GRIA4: variants seen among roughly 807,000 people sequenced by gnomAD.
GRIA4 encodes glutamate ionotropic receptor AMPA type subunit 4.
A neutral mutation model predicts 104.0 loss-of-function variants in GRIA4; 34 were observed. The ratio of observed to expected loss-of-function variants is 0.33; its 90% CI spans 0.25 to 0.44. GRIA4 has a LOEUF of 0.44. Ranked by LOEUF, GRIA4 falls within the 20% of genes least tolerant of loss-of-function variation. The pLI is 1.00. For missense variants in GRIA4, 750 were observed against 1,096.5 expected (o/e 0.68, Z 4.46); for synonymous variants, 386 against 381.9 (o/e 1.01, Z -0.13).
At chr11:105,669,489 G>C (rs538018781) in intron 3 of GRIA4, among the ~76,000 whole-genome samples, 1 of 152,112 alleles carries the variant, frequency 6.6e-6, no homozygotes, top group Non-Finnish European at 1.5e-5. Context: ...TAATCTTCCT[G>C]ATTTGGAGTA....
At chr11:105,855,654 A>G (rs1324690023) in intron 4 of GRIA4, among the ~76,000 whole-genome samples, 1 of 152,188 alleles carries the variant, frequency 6.6e-6, no homozygotes, top group Non-Finnish European at 1.5e-5. Context: ...TAAAATAGAA[A>G]CACATTGCCT....
chr11:105,634,166 G>A (rs1453685852), intron 3 of GRIA4, among the ~76,000 whole-genome samples: 1 of 152,056 alleles, frequency 6.6e-6, no homozygotes, highest in Middle Eastern at 3.4e-3. Context: ...GGGCAACATG[G>A]TGAAACCCCG....
chr11:105,974,333 G>A lies in GRIA4; in HGVS notation c.2433G>A (p.Leu811=), dbSNP rs948422331. ...AGGACAAGACGAGTGCCTTGAGCCTGAGCAATGTAGCAGGCGTCTTCTACA... is the reference window on the plus strand; with the variant it reads ...AGGACAAGACGAGTGCCTTGAGCCTAAGCAATGTAGCAGGCGTCTTCTACA... ...GSKDKTSALS[L]SNVAGVFYIL... Residue 811 remains leucine, a synonymous_variant, in exon 16 of 17, where the codon CTG becomes CTA. Coordinates refer to ENST00000282499, the MANE Select transcript of GRIA4 (RefSeq NM_000829.4). 1.9e-6 allele frequency: 3 copies of A among 1,613,760 alleles called. No individual in the cohort carries two copies. The highest frequency in any genetic ancestry group is 1.3e-5 in the African/African-American group (1 of 74,918).
intron 3 of GRIA4, among the ~76,000 whole-genome samples, chr11:105,664,540 T>C (rs1952109310): frequency 6.6e-6 from 1 of 151,978 alleles, no homozygotes; most frequent in Non-Finnish European, 1.5e-5. Context: ...AATGGTACTT[T>C]GTAGCTTTGA....
Position 105,752,969 on chromosome 11 carries a change from C to A in GRIA4, c.248-12C>A, listed in dbSNP as rs146635310. 1.9e-6 allele frequency: 3 copies of A among 1,608,458 alleles called. No individual in the cohort carries two copies. The highest frequency in any genetic ancestry group is 1.1e-5 in the South Asian group (1 of 90,956). ...GCTAATAGTTTGTGGTGTTTTCTTC[C>A]TCTTGTTTCAGTCTGTTCCCAGTAT... On this transcript the variant is annotated splice_polypyrimidine_tract_variant and intron_variant, in intron 3 of 16. Coordinates refer to ENST00000282499, the MANE Select transcript of GRIA4 (RefSeq NM_000829.4).
intron 11 of GRIA4, among the ~76,000 whole-genome samples, chr11:105,919,498 C>T (rs553519320): frequency 6.6e-6 from 1 of 152,214 alleles, no homozygotes; most frequent in South Asian, 2.1e-4. Flanking sequence ...TAATAGTATA[C>T]ATAGCAAAAC....
At chr11:105,866,530 C>T (rs552497012) in intron 5 of GRIA4, among the ~76,000 whole-genome samples, 125 of 99,140 alleles carry the variant, frequency 1.3e-3, no homozygotes, top group South Asian at 1.3e-3. Flanking sequence ...TACATATATA[C>T]GCATATGTGT....
intron 4 of GRIA4, among the ~76,000 whole-genome samples, chr11:105,855,407 C>T (rs1944973854): frequency 6.6e-6 from 1 of 151,988 alleles, no homozygotes; most frequent in African/African-American, 2.4e-5. Flanking sequence ...GTTGTTTTTA[C>T]ACACATTGGA....
intron 3 of GRIA4, among the ~76,000 whole-genome samples, chr11:105,691,666 G>A (rs1376835958): frequency 6.6e-6 from 1 of 152,120 alleles, no homozygotes; most frequent in Non-Finnish European, 1.5e-5. Context: ...GCCAGGCGCA[G>A]TGGTTCACGC....
chr11:105,797,445 T>C (rs997151985), intron 4 of GRIA4, among the ~76,000 whole-genome samples: 4 of 152,146 alleles, frequency 2.6e-5, no homozygotes, highest in Admixed American at 6.5e-5. Flanking sequence ...CCTGATTATA[T>C]AGTTAGCATT....
chr11:105,617,275 C>CT (rs1950624769), intron 3 of GRIA4, among the ~76,000 whole-genome samples: 2 of 150,150 alleles, frequency 1.3e-5, no homozygotes, highest in African/African-American at 2.4e-5. Context: ...TATATCTTTT[C>CT]ATATATATAT....
At chr11:105,857,554 T>C (rs1945050942) in intron 4 of GRIA4, among the ~76,000 whole-genome samples, 1 of 152,152 alleles carries the variant, frequency 6.6e-6, no homozygotes, top group Non-Finnish European at 1.5e-5. Context: ...TATCCCATAT[T>C]CATCAAACTG....
chr11:105,817,856 G>A (rs554778666), intron 4 of GRIA4, among the ~76,000 whole-genome samples: 17 of 152,160 alleles, frequency 1.1e-4, no homozygotes, highest in African/African-American at 3.1e-4. Flanking sequence ...CTGTAAGCAC[G>A]ATGAAAAACA....
intron 3 of GRIA4, among the ~76,000 whole-genome samples, chr11:105,619,727 A>G (rs1408884955): frequency 6.6e-6 from 1 of 151,966 alleles, no homozygotes; most frequent in African/African-American, 2.4e-5. Flanking sequence ...CAGAGACACA[A>G]TCAAACTTTT....
At chr11:105,976,614 A>G (rs1345306535) in intron 16 of GRIA4, among the ~76,000 whole-genome samples, 1 of 152,042 alleles carries the variant, frequency 6.6e-6, no homozygotes, top group Non-Finnish European at 1.5e-5. Flanking sequence ...TTAAAGGAAA[A>G]CTTTCATAAA....
intron 4 of GRIA4, chr11:105,797,769 A>C (rs1301785764): frequency 4.4e-6 from 2 of 454,724 alleles, no homozygotes; most frequent in Non-Finnish European, 8.8e-6. Flanking sequence ...ATTGTATGCC[A>C]AGTTCTGTTG....
At chr11:105,923,944 A>C (rs1264365548) in intron 11 of GRIA4, among the ~76,000 whole-genome samples, 6 of 152,132 alleles carry the variant, frequency 3.9e-5, no homozygotes, top group Admixed American at 3.3e-4. Flanking sequence ...GAAATTTGCA[A>C]TTCATAATAT....
chr11:105,703,479 A>C (rs1953579892), intron 3 of GRIA4, among the ~76,000 whole-genome samples: 1 of 152,172 alleles, frequency 6.6e-6, no homozygotes, highest in African/African-American at 2.4e-5. Context: ...AAAACCAATA[A>C]AGAAAAGTGT....
Position 105,611,025 on chromosome 11 carries a change from T to A in GRIA4, c.28T>A (p.Leu10Met). 1 of 1,613,458 alleles carries A rather than the reference T, an allele frequency of 6.2e-7. No homozygotes were observed. Among genetic ancestry groups the A allele is most frequent in the Non-Finnish European group, 8.5e-7 (1 of 1,179,500 alleles). Residue 10 changes from leucine (L) to methionine (M), a missense_variant, in exon 2 of 17, where the codon TTG (leucine) becomes ATG (methionine). By Grantham distance (15) the Leu-to-Met change is conservative (BLOSUM62 2). Around this residue, in one of 3 missense-constraint regions of GRIA4, gnomAD observed 410 missense variants for 502.7 expected, o/e 0.82. Coordinates refer to ENST00000282499, the MANE Select transcript of GRIA4 (RefSeq NM_000829.4). ...GAGGATTATTTCCAGACAGATTGTC[T>A]TGTTATTTTCTGGATTTTGGGGACT... is the stretch of plus-strand genomic sequence containing the variant. MRIISRQIV[L>M]LFSGFWGLAM...
Sources: gnomAD v4.1 joint callset for allele counts (sites outside exome capture counted in the v4.1 genomes callset) on GRCh38, gnomAD v4.1.1 for gene constraint, gnomAD v4.1.1 regional missense constraint, MANE v1.5 for transcripts, NCBI Gene and HGNC (gene_info 2026-07-23, HGNC 2026-07-21) for gene names.